TASP1: variants seen among roughly 807,000 people sequenced by gnomAD.
TASP1 encodes the protein taspase 1, also known as threonine aspartase 1.
TASP1 carries 16 observed loss-of-function variants against 56.6 expected under a neutral mutation model. The ratio of observed to expected loss-of-function variants is 0.28; its 90% CI spans 0.19 to 0.43. The LOEUF (loss-of-function observed/expected upper bound fraction) is 0.43, where lower values mean the gene tolerates loss of function less well. Ranked by LOEUF, TASP1 falls within the 20% of genes least tolerant of loss-of-function variation. The pLI is 1.00. For missense variants in TASP1, 393 were observed against 511.6 expected (o/e 0.77, Z 2.24); for synonymous variants, 179 against 184.2 (o/e 0.97, Z 0.23).
the TASP1 span, among the ~76,000 whole-genome samples, chr20:13,341,245 C>T: frequency 1.3e-5 from 2 of 152,170 alleles, no homozygotes; most frequent in African/African-American, 4.8e-5. Context: ...TTTCCCAGTC[C>T]TCCAGAAAAA....
chr20:13,400,028 G>C (rs548501116), intron 13 of TASP1, among the ~76,000 whole-genome samples: 14 of 152,062 alleles, frequency 9.2e-5, no homozygotes, highest in Non-Finnish European at 1.3e-4. Flanking sequence ...CCTACCTAAC[G>C]CTGGAATCCC....
At chr20:13,134,471 T>C in the TASP1 span, among the ~76,000 whole-genome samples, 1 of 152,194 alleles carries the variant, frequency 6.6e-6, no homozygotes, top group South Asian at 2.1e-4. Context: ...TTCATGATGA[T>C]GGGAGTGCCA....
At chr20:13,275,920 T>C in the TASP1 span, among the ~76,000 whole-genome samples, 7,279 of 152,238 alleles carry the variant, frequency 0.048, 304 homozygotes, top group African/African-American at 0.1. Context: ...AAATTGAGTC[T>C]AAGTTGTGTA....
chr20:13,305,977 C>A, the TASP1 span, among the ~76,000 whole-genome samples: 1 of 152,156 alleles, frequency 6.6e-6, no homozygotes, highest in East Asian at 1.9e-4. Context: ...GACACAGCTG[C>A]AATAGCAAAG....
intron 7 of TASP1, among the ~76,000 whole-genome samples, chr20:13,561,762 T>C (rs2046351265): frequency 6.6e-6 from 1 of 152,066 alleles, no homozygotes; most frequent in South Asian, 2.1e-4. Flanking sequence ...CAAAAGAGGG[T>C]TGAGACAGAG....
chr20:13,528,422 G>A lies in TASP1; in HGVS notation c.874+11C>T. The A allele has an allele frequency of 6.3e-7, 1 of 1,599,728 alleles. No individual in the cohort carries two copies. The highest frequency in any genetic ancestry group is 8.5e-7 in the Non-Finnish European group (1 of 1,173,728). ...GAAGTTATGAGAAATGGTTATGAAAGCAGCAAATACCTGAGGTACTCACAG... is the reference window on the plus strand; with the variant it reads ...GAAGTTATGAGAAATGGTTATGAAAACAGCAAATACCTGAGGTACTCACAG... On this transcript the variant is annotated intron_variant, in intron 10 of 13. Transcript: ENST00000337743.
At chr20:13,592,727 A>G (rs2047579667) in intron 4 of TASP1, among the ~76,000 whole-genome samples, 1 of 151,750 alleles carries the variant, frequency 6.6e-6, no homozygotes, top group African/African-American at 2.4e-5. Context: ...TCTTTTGTAT[A>G]ATTTTTTTTC....
the TASP1 span, among the ~76,000 whole-genome samples, chr20:13,357,678 C>A: frequency 1.3e-5 from 2 of 152,150 alleles, no homozygotes; most frequent in African/African-American, 4.8e-5. Flanking sequence ...AAATATATAC[C>A]CACGCAAAGA....
the TASP1 span, among the ~76,000 whole-genome samples, chr20:13,109,304 T>A: frequency 2.0e-5 from 3 of 152,236 alleles, no homozygotes; most frequent in Non-Finnish European, 4.4e-5. Flanking sequence ...GGACAATGGC[T>A]TTCACATAAG....
the TASP1 span, among the ~76,000 whole-genome samples, chr20:13,188,286 T>C: frequency 1.3e-5 from 2 of 152,140 alleles, no homozygotes; most frequent in African/African-American, 4.8e-5. Flanking sequence ...TGATCTTATA[T>C]TTAGAAAAAC....
At chr20:13,626,631 C>T (rs2048901333) in intron 2 of TASP1, among the ~76,000 whole-genome samples, 1 of 152,104 alleles carries the variant, frequency 6.6e-6, no homozygotes, top group African/African-American at 2.4e-5. Flanking sequence ...CACCAGAATC[C>T]ACAATACACC....
chr20:13,181,048 C>T, the TASP1 span, among the ~76,000 whole-genome samples: 1 of 152,204 alleles, frequency 6.6e-6, no homozygotes, highest in African/African-American at 2.4e-5. Context: ...TGAACAAACA[C>T]TCTGACAGCT....
chr20:13,362,397 G>A, the TASP1 span, among the ~76,000 whole-genome samples: 8 of 151,238 alleles, frequency 5.3e-5, no homozygotes, highest in African/African-American at 1.7e-4. Context: ...GCAAATGGCC[G>A]GTCCTTGCCT....
chr20:13,393,868 C>T (rs2041393355), intron 13 of TASP1, among the ~76,000 whole-genome samples: 1 of 150,854 alleles, frequency 6.6e-6, no homozygotes, highest in Non-Finnish European at 1.5e-5. Flanking sequence ...AAGTCCCCTG[C>T]GCTCAGCCAA....
the TASP1 span, among the ~76,000 whole-genome samples, chr20:13,124,288 C>G: frequency 6.7e-6 from 1 of 149,800 alleles, no homozygotes; most frequent in South Asian, 2.1e-4. Context: ...TTGGTATATA[C>G]TTGCTGGAAG....
chr20:13,346,284 A>G, the TASP1 span, among the ~76,000 whole-genome samples: 1 of 152,054 alleles, frequency 6.6e-6, no homozygotes, highest in Non-Finnish European at 1.5e-5. Context: ...GATAAATCCA[A>G]GTATCTCCTC....
chr20:13,356,064 T>C, the TASP1 span, among the ~76,000 whole-genome samples: 1 of 152,220 alleles, frequency 6.6e-6, no homozygotes, highest in African/African-American at 2.4e-5. Flanking sequence ...TCACTCTTTA[T>C]TCCCACTGGA....
At chr20:13,183,240 CT>C in the TASP1 span, among the ~76,000 whole-genome samples, 4 of 152,332 alleles carry the variant, frequency 2.6e-5, no homozygotes, top group East Asian at 7.7e-4. Context: ...TCATCTAAGG[CT>C]TCCTAGATTA....
At chr20:13,357,914 T>C in the TASP1 span, among the ~76,000 whole-genome samples, 2 of 152,154 alleles carry the variant, frequency 1.3e-5, no homozygotes, top group African/African-American at 4.8e-5. Flanking sequence ...AGCCATCGCA[T>C]CCCCTGTGAC....
Sources: allele counts gnomAD v4.1 joint callset (sites outside exome capture counted in the v4.1 genomes callset), GRCh38; gene constraint gnomAD v4.1.1; transcripts MANE v1.5; gene names NCBI Gene and HGNC (gene_info 2026-07-23, HGNC 2026-07-21).